Variants in ERC1 observed in about 807,000 individuals in gnomAD.
The protein encoded by ERC1 is ELKS/RAB6-interacting/CAST family member 1.
A neutral mutation model predicts 132.0 loss-of-function variants in ERC1; 56 were observed. That is an observed-to-expected ratio of 0.42 (90% CI 0.34 to 0.53). ERC1 has a LOEUF of 0.53. Ranked by LOEUF, ERC1 falls within the 20% of genes least tolerant of loss-of-function variation. The probability of loss-of-function intolerance (pLI) is 0.03; values close to 1 mark genes in which losing one functional copy is unlikely to be tolerated. For synonymous variants in ERC1, 478 were observed against 476.1 expected, an observed-to-expected ratio of 1.00 and a Z score of -0.05; for missense variants, 1,202 against 1,349.9, an observed-to-expected ratio of 0.89 and a Z score of 1.72.
In ERC1 at chr12:1,433,105, G is replaced by A. The variant is rs74892955; in HGVS notation, c.3025-11457G>A. ...AAGGTGCTGTGATGCCACAGCAGCC[G>A]TTGCCAAAGAAATGTTTAGGTAGAT... is the stretch of plus-strand genomic sequence containing the variant. On this transcript the variant is annotated intron_variant, in intron 17 of 18. Coordinates refer to ENST00000360905, the MANE Select transcript of ERC1 (RefSeq NM_178040.4). 2.2e-4 allele frequency among the ~76,000 whole-genome samples: 33 copies of A among 152,296 alleles called. No individual in the cohort carries two copies. In the East Asian group the frequency reaches 5.2e-3, roughly 24 times the overall value.
chr12:1,379,660 G>A (rs2088387448), intron 16 of ERC1, among the ~76,000 whole-genome samples: 1 of 152,122 alleles, frequency 6.6e-6, no homozygotes, highest in Admixed American at 6.6e-5. Flanking sequence ...GAATTTGCAG[G>A]CAGCTTAGCA....
chr12:1,315,490 A>G (rs2081622492), intron 15 of ERC1, among the ~76,000 whole-genome samples: 1 of 151,902 alleles, frequency 6.6e-6, no homozygotes, highest in African/African-American at 2.4e-5. Context: ...ATCTGGGATT[A>G]CAGGTGCCCG....
chr12:1,008,334 T>C (rs1467886217), intron 1 of ERC1, among the ~76,000 whole-genome samples: 1 of 152,204 alleles, frequency 6.6e-6, no homozygotes, highest in Admixed American at 6.5e-5. Flanking sequence ...GTAGCCACAT[T>C]AAAGAGTAAA....
intron 13 of ERC1, among the ~76,000 whole-genome samples, chr12:1,241,847 C>CTTTTTTTTTTTTTTTTTTTTTTTTTTTT (rs57016547): frequency 1.2e-5 from 1 of 80,490 alleles, no homozygotes; most frequent in Admixed American, 1.6e-4. Flanking sequence ...TCTTCTTCTT[C>CTTTTTTTTTTTTTTTTTTTTTTTTTTTT]TTTTTTTTTT....
chr12:1,043,048 C>CTTTTTT (rs397940397), intron 2 of ERC1, among the ~76,000 whole-genome samples: 6 of 119,024 alleles, frequency 5.0e-5, no homozygotes, highest in South Asian at 3.0e-4. Context: ...CTTTTCTTTT[C>CTTTTTT]TTTTTTTTTT....
chr12:1,340,025 G>GGAA (rs2083680536), intron 15 of ERC1, among the ~76,000 whole-genome samples: 1 of 152,166 alleles, frequency 6.6e-6, no homozygotes, highest in African/African-American at 2.4e-5. Context: ...TAGGCCTGGG[G>GGAA]GAAGCTGTAA....
At chr12:1,414,167 C>T (rs1219368798) in intron 17 of ERC1, among the ~76,000 whole-genome samples, 1 of 152,230 alleles carries the variant, frequency 6.6e-6, no homozygotes, top group Non-Finnish European at 1.5e-5. Context: ...CCCAACAGGC[C>T]ACGGACAGGT....
chr12:1,039,345 A>AT (rs1969746192), intron 2 of ERC1, among the ~76,000 whole-genome samples: 2 of 148,870 alleles, frequency 1.3e-5, no homozygotes, highest in African/African-American at 4.9e-5. Flanking sequence ...CTCAAAAAAA[A>AT]AAAAAAATAA....
Position 1,183,339 on chromosome 12 carries a change from A to G in ERC1, c.2075A>G (p.Lys692Arg). The change falls in exon 11 of 19, where the codon AAG (lysine) becomes AGG (arginine). Residue 692 changes from lysine (K) to arginine (R), a missense_variant. Physicochemically the swap from Lys to Arg is conservative, Grantham distance 26. Transcript: ENST00000360905. ...ASSLASSGLK[K>R]DSRLKTLEIA... ...TCTCTGGCATCCTCAGGACTGAAAAAGGACTCACGGCTTAAGACACTAGAG... is the reference window on the plus strand; with the variant it reads ...TCTCTGGCATCCTCAGGACTGAAAAGGGACTCACGGCTTAAGACACTAGAG... 5 of 1,599,316 alleles carry G rather than the reference A, an allele frequency of 3.1e-6. No homozygotes were observed. Among genetic ancestry groups the G allele is most frequent in the East Asian group, 2.2e-5 (1 of 44,686 alleles).
intron 12 of ERC1, among the ~76,000 whole-genome samples, chr12:1,199,786 GAAAA>G (rs374004649): frequency 2.3e-5 from 3 of 129,070 alleles, no homozygotes; most frequent in African/African-American, 8.7e-5. Flanking sequence ...TCTCAGAAAA[GAAAA>G]AAAAAAAAAG....
intron 17 of ERC1, among the ~76,000 whole-genome samples, chr12:1,442,608 T>C (rs997473425): frequency 3.3e-5 from 5 of 152,260 alleles, no homozygotes; most frequent in Non-Finnish European, 7.3e-5. Context: ...AACTGAACTC[T>C]GATCTTTTTA....
At chr12:1,188,878 G>GTC (rs1342235076) in intron 11 of ERC1, among the ~76,000 whole-genome samples, 1 of 152,072 alleles carries the variant, frequency 6.6e-6, no homozygotes, top group African/African-American at 2.4e-5. Context: ...CTAAGCTTTT[G>GTC]TCTTCTCATT....
chr12:1,401,675 C>T (rs7312130), intron 16 of ERC1, among the ~76,000 whole-genome samples: 1,818 of 149,740 alleles, frequency 0.012, 47 homozygotes, highest in African/African-American at 0.041. Context: ...CTAAAGCTCT[C>T]AGAATACTTG....
intron 8 of ERC1, among the ~76,000 whole-genome samples, chr12:1,145,889 T>C (rs1950299005): frequency 6.6e-6 from 1 of 152,214 alleles, no homozygotes; most frequent in Admixed American, 6.5e-5. Context: ...AGTAAGTGTC[T>C]GGCTTCATTT....
Position 1,493,561 on chromosome 12 carries a change from ATATATATAT to A in ERC1, c.*3332_*3340del, listed in dbSNP as rs2154435590. 1 of 113,502 alleles carries A rather than the reference ATATATATAT, an allele frequency of 8.8e-6. No homozygotes were observed. The highest frequency in any genetic ancestry group is 2.6e-4 in the East Asian group (1 of 3,904). 7.0% of individuals were successfully genotyped at this position (113,502 alleles called of 1,614,324 possible). A position where few individuals can be genotyped will look rare whatever the true frequency, so the allele number is the denominator to read the frequency against. On this transcript the variant is annotated 3_prime_UTR_variant, in exon 19 of 19. Transcript: ENST00000360905. ...AAAAAAAAAAAAAATATATATATAT[ATATATATAT>A]ATATATATGGATGGGAATCACCAAA...
Position 1,083,171 on chromosome 12 carries a change from A to G in ERC1, c.677A>G (p.Gln226Arg). 1 of 1,611,776 alleles carries G rather than the reference A, an allele frequency of 6.2e-7. No individual in the cohort carries two copies. Among genetic ancestry groups the G allele is most frequent in the South Asian group, 1.1e-5 (1 of 90,716 alleles). ...RVVQEENQHMQMTIQALQDEL... is the reference protein window; with the variant it reads ...RVVQEENQHMRMTIQALQDEL... ...TTTTTGTCTTGGTTCTAGCACATGC[A>G]GATGACAATCCAGGCTCTCCAGGAT... The change falls in exon 3 of 19, where the codon CAG (glutamine) becomes CGG (arginine). Residue 226 changes from glutamine to arginine, a missense_variant. Coordinates refer to ENST00000360905, the MANE Select transcript of ERC1 (RefSeq NM_178040.4).
chr12:1,062,154 T>C (rs946045968), intron 2 of ERC1, among the ~76,000 whole-genome samples: 5 of 152,014 alleles, frequency 3.3e-5, no homozygotes, highest in African/African-American at 9.7e-5. Context: ...TGGCTAATTT[T>C]TTATATTTTT....
intron 3 of ERC1, among the ~76,000 whole-genome samples, chr12:1,094,973 T>C (rs1219589682): frequency 6.6e-6 from 1 of 152,164 alleles, no homozygotes; most frequent in Admixed American, 6.5e-5. Flanking sequence ...AATGTGGAGC[T>C]TCTATCCTTG....
At chr12:1,460,379 A>G (rs887664617) in intron 18 of ERC1, among the ~76,000 whole-genome samples, 1 of 152,194 alleles carries the variant, frequency 6.6e-6, no homozygotes, top group African/African-American at 2.4e-5. Flanking sequence ...CAGCCGCAAA[A>G]TGGTGCCGTG....
Sources: gnomAD v4.1 joint callset for allele counts (sites outside exome capture counted in the v4.1 genomes callset) on GRCh38, gnomAD v4.1.1 for gene constraint, MANE v1.5 for transcripts, NCBI Gene and HGNC (gene_info 2026-07-23, HGNC 2026-07-21) for gene names.